Variants in NKAIN2 observed in about 807,000 individuals in gnomAD.
The protein encoded by NKAIN2 is sodium/potassium-transporting ATPase subunit beta-1-interacting protein 2.
NKAIN2 carries 14 observed loss-of-function variants against 32.6 expected under a neutral mutation model. The ratio of observed to expected loss-of-function variants is 0.43; its 90% CI spans 0.28 to 0.67. NKAIN2 has a LOEUF of 0.67. Among genes scored for constraint, NKAIN2 ranks in the 30% least tolerant of loss-of-function variants. The pLI, the probability that NKAIN2 is intolerant of heterozygous loss-of-function variation, is 0.17. For missense variants in NKAIN2, 198 were observed against 258.3 expected (o/e 0.77, Z 1.60); for synonymous variants, 80 against 87.2 (o/e 0.92, Z 0.46).
At chr6:124,111,658 C>T (rs1378908856) in intron 1 of NKAIN2, among the ~76,000 whole-genome samples, 1 of 151,682 alleles carries the variant, frequency 6.6e-6, no homozygotes, top group Non-Finnish European at 1.5e-5. Flanking sequence ...GAGTTTAATC[C>T]ATTTAAAGTA....
chr6:123,991,679 G>A (rs1376058713), intron 1 of NKAIN2, among the ~76,000 whole-genome samples: 2 of 151,984 alleles, frequency 1.3e-5, no homozygotes, highest in African/African-American at 2.4e-5. Context: ...TGGCTAACAC[G>A]GTGAAACCAC....
chr6:123,805,868 A>T (rs1773193221), intron 1 of NKAIN2, among the ~76,000 whole-genome samples: 2 of 143,110 alleles, frequency 1.4e-5, no homozygotes, highest in South Asian at 4.4e-4. Context: ...GCTCTTTTCG[A>T]TTTAAAATTT....
chr6:124,689,530 T>C (rs1201498472), intron 4 of NKAIN2, among the ~76,000 whole-genome samples: 1 of 152,134 alleles, frequency 6.6e-6, no homozygotes, highest in Non-Finnish European at 1.5e-5. Flanking sequence ...TAAAAAGTCA[T>C]CACCAAACCA....
intron 4 of NKAIN2, among the ~76,000 whole-genome samples, chr6:124,668,660 G>T (rs1772941106): frequency 6.6e-6 from 1 of 152,036 alleles, no homozygotes; most frequent in African/African-American, 2.4e-5. Flanking sequence ...CGATATGTTA[G>T]CATAAAAACA....
chr6:124,619,386 T>C lies in NKAIN2; in HGVS notation c.274-38800T>C, dbSNP rs12176059. 3.9e-5 allele frequency among the ~76,000 whole-genome samples: 6 copies of C among 152,290 alleles called. No individual in the cohort carries two copies. In the East Asian group the frequency reaches 1.2e-3, roughly 29 times the overall value. On this transcript the variant is annotated intron_variant, in intron 3 of 6. Coordinates refer to ENST00000368417, the MANE Select transcript of NKAIN2 (RefSeq NM_001040214.3). ...CTAATTCTGAGAGATATCACATTCC[T>C]AAGTCTCAAATATATTTGTTGAAAA...
chr6:124,766,795 A>T (rs1778533432), intron 4 of NKAIN2, among the ~76,000 whole-genome samples: 1 of 152,210 alleles, frequency 6.6e-6, no homozygotes, highest in South Asian at 2.1e-4. Context: ...TGAAGAGTTT[A>T]AAAATTTTAG....
chr6:124,411,786 T>G (rs965297268), intron 3 of NKAIN2, among the ~76,000 whole-genome samples: 3 of 152,222 alleles, frequency 2.0e-5, no homozygotes, highest in Admixed American at 6.5e-5. Flanking sequence ...TTTTCCAGCT[T>G]GGTTCCATTC....
chr6:124,399,224 G>T lies in NKAIN2; in HGVS notation c.273+43877G>T, dbSNP rs936695193. ...TTACAAGCATGAGCCACCAGGCTTG[G>T]CCTTTATTTTTAAAATCTGTTTTTA... is the stretch of plus-strand genomic sequence containing the variant. On this transcript the variant is annotated intron_variant, in intron 3 of 6. Coordinates refer to ENST00000368417, the MANE Select transcript of NKAIN2 (RefSeq NM_001040214.3). Among the ~76,000 whole-genome samples, 11 of 152,260 alleles carry T rather than the reference G, an allele frequency of 7.2e-5. No homozygotes were observed. The South Asian group carries it at 1.9e-3, about 26-fold the overall frequency.
chr6:124,783,977 A>T lies in NKAIN2; in HGVS notation c.475-7362A>T, dbSNP rs1582518414. On this transcript the variant is annotated intron_variant, in intron 4 of 6. Transcript: ENST00000368417. ...TTTGGAATGTGAGATAATTGTGGGT[A>T]AAAAGTAGTGTTGCTACTCCTCATT... is the stretch of plus-strand genomic sequence containing the variant. 3.9e-5 allele frequency among the ~76,000 whole-genome samples: 6 copies of T among 152,290 alleles called. 2 individuals carry two copies. The highest frequency in any genetic ancestry group is 3.9e-4 in the Admixed American group (6 of 15,278).
intron 1 of NKAIN2, among the ~76,000 whole-genome samples, chr6:123,908,986 A>G (rs926557171): frequency 2.6e-5 from 4 of 152,206 alleles, no homozygotes; most frequent in Non-Finnish European, 4.4e-5. Context: ...TGCTTACAGA[A>G]ACTATGTCAG....
chr6:124,490,416 T>G (rs904492488), intron 3 of NKAIN2: 13 of 410,930 alleles, frequency 3.2e-5, no homozygotes, highest in Admixed American at 6.3e-5. Context: ...ATAGAGGTTT[T>G]TTTTTTTTTT....
At chr6:123,806,850 T>C (rs1006449966) in intron 1 of NKAIN2, among the ~76,000 whole-genome samples, 1 of 152,044 alleles carries the variant, frequency 6.6e-6, no homozygotes, top group Admixed American at 6.6e-5. Flanking sequence ...TCTGGAAACA[T>C]TAATCTCCAG....
rs576702639 is a variant in NKAIN2 at position 124,786,752 on chromosome 6, T to G, written c.475-4587T>G. The stretch of plus-strand genomic sequence containing the variant: ...GACTAAAACAACTAGAATATTTTAT[T>G]TCTTTCACTAGTGGATAATTGTGTG... On this transcript the variant is annotated intron_variant, in intron 4 of 6. Transcript: ENST00000368417. Among the ~76,000 whole-genome samples, 3 of 152,288 alleles carry G rather than the reference T, an allele frequency of 2.0e-5. No homozygotes were observed. In the East Asian group the frequency reaches 5.8e-4, roughly 29 times the overall value.
At chr6:124,211,413 A>G (rs1301721756) in intron 1 of NKAIN2, among the ~76,000 whole-genome samples, 1 of 151,934 alleles carries the variant, frequency 6.6e-6, no homozygotes, top group Non-Finnish European at 1.5e-5. Context: ...TCTGACCCTA[A>G]ACAGCTCTGT....
At chr6:124,378,865 G>A (rs1047564815) in intron 3 of NKAIN2, among the ~76,000 whole-genome samples, 1 of 150,770 alleles carries the variant, frequency 6.6e-6, no homozygotes, top group South Asian at 2.1e-4. Context: ...TAAGACTGGA[G>A]GATCACTTGA....
chr6:124,382,409 ACT>A (rs1164307595), intron 3 of NKAIN2, among the ~76,000 whole-genome samples: 13 of 152,000 alleles, frequency 8.6e-5, no homozygotes, highest in Non-Finnish European at 4.4e-5. Context: ...GCGAGCTAAA[ACT>A]CTGATGGGCC....
chr6:124,756,000 T>C (rs555813150), intron 4 of NKAIN2, among the ~76,000 whole-genome samples: 1 of 151,874 alleles, frequency 6.6e-6, no homozygotes, highest in Admixed American at 6.6e-5. Flanking sequence ...CCTAACCCAA[T>C]GTCTGGCACA....
intron 3 of NKAIN2, among the ~76,000 whole-genome samples, chr6:124,494,267 A>C (rs1055331372): frequency 1.3e-5 from 2 of 152,236 alleles, no homozygotes; most frequent in South Asian, 2.1e-4. Flanking sequence ...TCAGATGCTA[A>C]ATAAATGCTG....
intron 3 of NKAIN2, among the ~76,000 whole-genome samples, chr6:124,412,726 C>G (rs1481106180): frequency 6.6e-6 from 1 of 152,212 alleles, no homozygotes; most frequent in East Asian, 1.9e-4. Context: ...TTTAAGTCTG[C>G]AGAGGTTACT....
Sources: allele counts gnomAD v4.1 joint callset (sites outside exome capture counted in the v4.1 genomes callset), GRCh38; gene constraint gnomAD v4.1.1; transcripts MANE v1.5; gene names NCBI Gene and HGNC (gene_info 2026-07-23, HGNC 2026-07-21).